RAB6B: variants seen among roughly 807,000 people sequenced by gnomAD.
RAB6B encodes the protein RAB6B, member RAS oncogene family, also known as ras-related protein Rab-6B.
In RAB6B, 7 loss-of-function variants were observed where a neutral mutation model predicts 31.2. The observed-to-expected ratio is 0.22, with a 90% CI of 0.13 to 0.42. The LOEUF (loss-of-function observed/expected upper bound fraction) is 0.42. RAB6B is among the 10% of genes least tolerant of loss of function. RAB6B has a pLI of 1.00. For missense variants in RAB6B, 149 were observed against 280.6 expected (o/e 0.53, Z 3.35); for synonymous variants, 105 against 104.9 (o/e 1.00, Z -0.01).
intron 7 of RAB6B, among the ~76,000 whole-genome samples, chr3:133,829,229 G>A (rs1325683283): frequency 3.9e-5 from 6 of 152,202 alleles, no homozygotes; most frequent in Non-Finnish European, 7.3e-5. Context: ...TGGAGATGAA[G>A]AGCCTGCTGG....
Position 133,858,888 on chromosome 3 carries a change from A to G in RAB6B, c.129+5696T>C, listed in dbSNP as rs1157386728. Among the ~76,000 whole-genome samples, 5 of 152,304 alleles carry G rather than the reference A, an allele frequency of 3.3e-5. No individual in the cohort carries two copies. The East Asian group carries it at 9.7e-4, about 29-fold the overall frequency. On this transcript the variant is annotated intron_variant, in intron 2 of 7. Transcript: ENST00000285208. Reference sequence around the variant, plus strand: ...ACTGCATTTTTTTAACCTGGAAATTAATCAGATGGAATTTAACCCCTGTAT... The same window carrying G: ...ACTGCATTTTTTTAACCTGGAAATTGATCAGATGGAATTTAACCCCTGTAT...
intron 6 of RAB6B, among the ~76,000 whole-genome samples, chr3:133,836,590 C>A (rs1213061028): frequency 6.6e-6 from 1 of 152,206 alleles, no homozygotes; most frequent in Admixed American, 6.5e-5. Flanking sequence ...CAGTGCCTCC[C>A]TGACCCTGAC....
chr3:133,850,031 A>C (rs1935956027), intron 2 of RAB6B, among the ~76,000 whole-genome samples: 1 of 152,072 alleles, frequency 6.6e-6, no homozygotes, highest in Admixed American at 6.5e-5. Flanking sequence ...AAACCCTGGA[A>C]GTGACATAGA....
At chr3:133,883,195 A>G (rs1346646116) in intron 1 of RAB6B, among the ~76,000 whole-genome samples, 1 of 152,196 alleles carries the variant, frequency 6.6e-6, no homozygotes, top group African/African-American at 2.4e-5. Flanking sequence ...GGGGAGGAAG[A>G]GACAAAGCTC....
intron 1 of RAB6B, among the ~76,000 whole-genome samples, chr3:133,868,322 G>C (rs144770426): frequency 2.8e-4 from 43 of 152,274 alleles, no homozygotes; most frequent in African/African-American, 9.9e-4. Context: ...AACCCATCCC[G>C]AGCCACCTGA....
intron 7 of RAB6B, among the ~76,000 whole-genome samples, chr3:133,831,713 T>C (rs1267966327): frequency 6.6e-6 from 1 of 152,200 alleles, no homozygotes; most frequent in Non-Finnish European, 1.5e-5. Flanking sequence ...CTCAAGAGGT[T>C]AGATATGTGC....
At chr3:133,870,480 C>T (rs9835973) in intron 1 of RAB6B, among the ~76,000 whole-genome samples, 20,524 of 152,100 alleles carry the variant, frequency 0.13, 1,814 homozygotes, top group Admixed American at 0.24. Context: ...GTGAACAATG[C>T]AGAGGTGGTG....
chr3:133,833,608 T>G (rs1935688612), intron 7 of RAB6B, among the ~76,000 whole-genome samples: 1 of 152,314 alleles, frequency 6.6e-6, no homozygotes, highest in South Asian at 2.1e-4. Flanking sequence ...GCTGTGTGCT[T>G]CTTTTGCTTT....
chr3:133,871,653 C>G (rs759766527), intron 1 of RAB6B, among the ~76,000 whole-genome samples: 1 of 152,222 alleles, frequency 6.6e-6, no homozygotes. Context: ...TTCTCCCTGT[C>G]GCCTCCACAG....
chr3:133,864,489 CCCAGGG>C (rs1936207815), intron 2 of RAB6B, 89 bp downstream of exon 2: 1 of 1,285,184 alleles, frequency 7.8e-7, no homozygotes, highest in Non-Finnish European at 1.1e-6. Context: ...AGCCTGGGAA[CCCAGGG>C]CCATTCCACT....
chr3:133,841,774 G>A (rs1298043998), intron 2 of RAB6B, 111 bp from the exon 3 acceptor site: 1 of 1,024,240 alleles, frequency 9.8e-7, no homozygotes, highest in East Asian at 2.4e-5. Context: ...GCTCATGTCA[G>A]GTCTAATGTG....
chr3:133,828,424 T>G lies in RAB6B; in HGVS notation c.*364A>C. 2.7e-6 allele frequency: 1 copy of G among 367,752 alleles called. No individual in the cohort carries two copies. Among genetic ancestry groups the G allele is most frequent in the South Asian group, 3.1e-5 (1 of 32,536 alleles). The allele number at this position is 367,752 out of a possible 1,614,324, so 22.8% of individuals were successfully genotyped here. A position where few individuals can be genotyped will look rare whatever the true frequency, so the allele number is the denominator to read the frequency against. ...GTGTGTGGAAAAGGTTCTCTATAAG[T>G]TTACAAATATACAAAAACAAAAAGC... On this transcript the variant is annotated 3_prime_UTR_variant, in exon 8 of 8. Coordinates refer to ENST00000285208, the MANE Select transcript of RAB6B (RefSeq NM_016577.4).
intron 1 of RAB6B, among the ~76,000 whole-genome samples, chr3:133,868,231 G>A (rs1044462343): frequency 1.3e-5 from 2 of 152,198 alleles, no homozygotes; most frequent in African/African-American, 4.8e-5. Context: ...GGTGGAAGGT[G>A]CTAGAACCTG....
intron 1 of RAB6B, among the ~76,000 whole-genome samples, chr3:133,866,701 G>GCT (rs1178721634): frequency 6.6e-6 from 1 of 152,264 alleles, no homozygotes; most frequent in Non-Finnish European, 1.5e-5. Context: ...TGGAGGATCA[G>GCT]CTCTGAGGCC....
chr3:133,835,245 T>G (rs1935716207), intron 6 of RAB6B, among the ~76,000 whole-genome samples: 1 of 152,136 alleles, frequency 6.6e-6, no homozygotes, highest in African/African-American at 2.4e-5. Context: ...TAGGAGTGTG[T>G]GTACAGTGTA....
chr3:133,864,181 AGAGAGAGAG>A (rs1936203315), intron 2 of RAB6B, among the ~76,000 whole-genome samples: 1 of 149,524 alleles, frequency 6.7e-6, no homozygotes, highest in African/African-American at 2.5e-5. Context: ...GGCGGGGGTG[AGAGAGAGAG>A]AAGGTCCCAG....
At chr3:133,837,696 C>T (rs1193137636) in intron 6 of RAB6B, among the ~76,000 whole-genome samples, 1 of 152,216 alleles carries the variant, frequency 6.6e-6, no homozygotes, top group Non-Finnish European at 1.5e-5. Context: ...CTGTGAGTTC[C>T]AACCACATCA....
rs1333548924 is a variant in RAB6B at position 133,849,487 on chromosome 3, A to G, written c.130-7824T>C. The stretch of plus-strand genomic sequence containing the variant: ...GTCTGGGGAGGTTGTGCTGTCCAGG[A>G]GTGGCAGATGCCCTGTACAGGGTGA... On this transcript the variant is annotated intron_variant, in intron 2 of 7. Coordinates refer to ENST00000285208, the MANE Select transcript of RAB6B (RefSeq NM_016577.4). Among the ~76,000 whole-genome samples the G allele has an allele frequency of 2.0e-5, 3 of 152,216 alleles. No individual in the cohort carries two copies. In the East Asian group the frequency reaches 5.8e-4, roughly 29 times the overall value.
chr3:133,884,901 CG>C lies in RAB6B; in HGVS notation c.70+10495del, dbSNP rs1386460016. On this transcript the variant is annotated intron_variant, in intron 1 of 7. Transcript: ENST00000285208. ...ATTCACACACCAAATAATCAGAGGACGGGGGGGCTTATATATCCCAATAACC... is the reference window on the plus strand; with the variant it reads ...ATTCACACACCAAATAATCAGAGGACGGGGGGCTTATATATCCCAATAACC... 6.8e-5 allele frequency among the ~76,000 whole-genome samples: 6 copies of C among 87,654 alleles called. No homozygotes were observed. In the East Asian group the frequency reaches 1.0e-3, roughly 15 times the overall value. The allele number at this position is 87,654 out of a possible 152,430, so 57.5% of individuals were successfully genotyped here.
Sources: gnomAD v4.1 joint callset for allele counts (sites outside exome capture counted in the v4.1 genomes callset) on GRCh38, gnomAD v4.1.1 for gene constraint, MANE v1.5 for transcripts, NCBI Gene and HGNC (gene_info 2026-07-23, HGNC 2026-07-21) for gene names.